R3HCC1: variants seen among roughly 807,000 people sequenced by gnomAD.
R3HCC1 encodes R3H domain and coiled-coil containing 1, also known as R3H and coiled-coil domain-containing protein 1.
Under a neutral mutation model 40.0 loss-of-function variants are expected in R3HCC1, and 32 were observed. The ratio of observed to expected loss-of-function variants is 0.80; its 90% confidence interval spans 0.60 to 1.07. The LOEUF is 1.07. Ranked by LOEUF, R3HCC1 falls within the 50% of genes least tolerant of loss-of-function variation. The probability of loss-of-function intolerance (pLI) is 0.00; values close to 1 mark genes in which losing one functional copy is unlikely to be tolerated. For missense variants in R3HCC1, 586 were observed against 563.3 expected, an observed-to-expected ratio of 1.04 and a Z score of -0.41; for synonymous variants, 237 against 232.8, an observed-to-expected ratio of 1.02 and a Z score of -0.17.
In R3HCC1 at chr8:23,291,426, C is replaced by T. The variant is rs754016833; in HGVS notation, c.918C>T (p.Phe306=). 5 of 1,551,670 alleles carry T rather than the reference C, an allele frequency of 3.2e-6. No homozygotes were observed. The highest frequency in any genetic ancestry group is 1.2e-5 in the South Asian group (1 of 84,062). The change falls in exon 5 of 8, where the codon TTC becomes TTT. Residue 306 remains phenylalanine, a synonymous_variant. Transcript: ENST00000265806. ...AGATCCATTTGGACACATCCTCCTT[C>T]GTGGAGGAGCTGCCTGGAGAGAAGG...
chr8:23,291,607 TG>T, intron 5 of R3HCC1, 74 bp downstream of exon 5: 1 of 1,526,536 alleles, frequency 6.6e-7, no homozygotes, highest in East Asian at 2.5e-5. Context: ...GGTGCTTGCC[TG>T]CCCCACACCC....
rs764210264 is a variant in R3HCC1, at chr8:23,291,423, C to T, written c.915C>T (p.Ser305=). 1.9e-6 allele frequency: 3 copies of T among 1,551,762 alleles called. No homozygotes were observed. The highest frequency in any genetic ancestry group is 2.6e-6 in the Non-Finnish European group (3 of 1,146,966). The change falls in exon 5 of 8, where the codon TCC becomes TCT. Residue 305 remains serine, a synonymous_variant. Coordinates refer to ENST00000265806, the MANE Select transcript of R3HCC1 (RefSeq NM_001136108.3). ...AGAAGATCCATTTGGACACATCCTC[C>T]TTCGTGGAGGAGCTGCCTGGAGAGA...
At chr8:23,292,839 C>A (rs762174893) in intron 5 of R3HCC1, among the ~76,000 whole-genome samples, 1 of 152,194 alleles carries the variant, frequency 6.6e-6, no homozygotes, top group Non-Finnish European at 1.5e-5. Context: ...AGGCCTCTCA[C>A]AAGCTGCAGG....
chr8:23,291,310 G>C, intron 4 of R3HCC1, 51 bp from the exon 5 acceptor site: 1 of 1,527,968 alleles, frequency 6.5e-7, no homozygotes, highest in Non-Finnish European at 8.8e-7. Flanking sequence ...CTAGTGGTTT[G>C]GGAGCTCTGC....
chr8:23,293,211 G>C, intron 5 of R3HCC1, 92 bp from the exon 6 acceptor site: 3 of 1,013,446 alleles, frequency 3.0e-6, no homozygotes, highest in South Asian at 1.4e-5. Flanking sequence ...TGGCATCTGC[G>C]GGCTGGAGGC....
chr8:23,291,416 C>G lies in R3HCC1; in HGVS notation c.908C>G (p.Thr303Arg), dbSNP rs150576364. The change falls in exon 5 of 8, where the codon ACA (threonine) becomes AGA (arginine). Residue 303 changes from threonine (T) to arginine (R), a missense_variant. By Grantham distance (71) the Thr-to-Arg change is moderately conservative. Transcript: ENST00000265806. ...CAGATAGAGAAGATCCATTTGGACACATCCTCCTTCGTGGAGGAGCTGCCT... is the reference window on the plus strand; with the variant it reads ...CAGATAGAGAAGATCCATTTGGACAGATCCTCCTTCGTGGAGGAGCTGCCT... 4 of 1,551,348 alleles carry G rather than the reference C, an allele frequency of 2.6e-6. No individual in the cohort carries two copies. The Admixed American group carries it at 5.9e-5, about 23-fold the overall frequency.
intron 7 of R3HCC1, 99 bp downstream of exon 7, chr8:23,294,963 G>T: frequency 3.3e-6 from 3 of 904,254 alleles, no homozygotes; most frequent in South Asian, 1.4e-5. Flanking sequence ...TTTGGGCAGG[G>T]TCTTCCCCTC....
Position 23,290,487 on chromosome 8 carries a change from C to G in R3HCC1, c.852+18C>G. 1.3e-6 allele frequency: 2 copies of G among 1,537,670 alleles called. No homozygotes were observed. On this transcript the variant is annotated intron_variant, in intron 4 of 7. Transcript: ENST00000265806. ...TGCAGGAGGTGATGAGGCTCTTGAG[C>G]CCGAAAAGGGAGGGCGGAGGTGAGG... is the stretch of plus-strand genomic sequence containing the variant.
Position 23,296,012 on chromosome 8 carries a change from T to G in R3HCC1, c.1238T>G (p.Val413Gly). Reference sequence around the variant, plus strand: ...GAGAGGCCACAGACAAATGCGACTGTGGCCCGGCGGCTGGTGGCCCGGGCC... The same window carrying G: ...GAGAGGCCACAGACAAATGCGACTGGGGCCCGGCGGCTGGTGGCCCGGGCC... The change falls in exon 8 of 8, where the codon GTG (valine) becomes GGG (glycine). Residue 413 changes from valine (V) to glycine (G), a missense_variant. Transcript: ENST00000265806. 1 of 1,550,916 alleles carries G rather than the reference T, an allele frequency of 6.4e-7. No individual in the cohort carries two copies.
At chr8:23,291,836 A>C (rs565622498) in intron 5 of R3HCC1, among the ~76,000 whole-genome samples, 1 of 152,202 alleles carries the variant, frequency 6.6e-6, no homozygotes, top group Non-Finnish European at 1.5e-5. Flanking sequence ...GGGACATGGC[A>C]GCCTCCTCTT....
At chr8:23,295,198 G>A (rs10096613) in intron 7 of R3HCC1, among the ~76,000 whole-genome samples, 5,079 of 152,170 alleles carry the variant, frequency 0.033, 295 homozygotes, top group African/African-American at 0.11. Flanking sequence ...CCTGGAAACC[G>A]TATCCCATAG....
At position 23,296,122 on chromosome 8, in the gene R3HCC1, A is replaced by T. The variant is rs891584669; in HGVS notation, c.*25A>T. 3 of 1,541,044 alleles carry T rather than the reference A, an allele frequency of 1.9e-6. No homozygotes were observed. The highest frequency in any genetic ancestry group is 4.1e-5 in the Admixed American group (2 of 49,372). ...AGGCCTGGAGACCCAACTGGCCTGG[A>T]TCTGCGTCCCGACGTAGCTGGCGCC... On this transcript the variant is annotated 3_prime_UTR_variant, in exon 8 of 8. Transcript: ENST00000265806.
chr8:23,295,576 C>T (rs1333916428), intron 7 of R3HCC1: 1 of 462,624 alleles, frequency 2.2e-6, no homozygotes, highest in Non-Finnish European at 4.3e-6. Flanking sequence ...GGTTACGTAG[C>T]CAACATGGTC....
At chr8:23,295,010 G>A (rs1802967829) in intron 7 of R3HCC1, 146 bp downstream of exon 7, 3 of 679,520 alleles carry the variant, frequency 4.4e-6, no homozygotes, top group African/African-American at 1.8e-5. Context: ...TGCTCTTAGG[G>A]AGCCCTGGGC....
At chr8:23,293,475 A>G (rs1802917066) in intron 6 of R3HCC1, 102 bp downstream of exon 6, 5 of 917,586 alleles carry the variant, frequency 5.4e-6, no homozygotes, top group Non-Finnish European at 8.4e-6. Flanking sequence ...GCGCAGGCTC[A>G]GCTGAGCCAG....
intron 1 of R3HCC1, 81 bp from the exon 2 acceptor site, chr8:23,288,425 C>T: frequency 6.6e-7 from 1 of 1,512,140 alleles, no homozygotes; most frequent in Non-Finnish European, 8.9e-7. Flanking sequence ...TTCTAAGGCC[C>T]TTTCGGTGCC....
chr8:23,290,280 G>A lies in R3HCC1; in HGVS notation c.663G>A (p.Gln221=). 1 of 1,551,772 alleles carries A rather than the reference G, an allele frequency of 6.4e-7. No individual in the cohort carries two copies. Among genetic ancestry groups the A allele is most frequent in the South Asian group, 1.2e-5 (1 of 84,068 alleles). Reference sequence around the variant, plus strand: ...CTGAGCCTCTGGGGCCTGAGAGTCAGTCAGGGAAGGGAGACATGGTGGAGA... The same window carrying A: ...CTGAGCCTCTGGGGCCTGAGAGTCAATCAGGGAAGGGAGACATGGTGGAGA... The change falls in exon 4 of 8, where the codon CAG becomes CAA. Residue 221 remains glutamine, a synonymous_variant. Transcript: ENST00000265806.
Position 23,294,823 on chromosome 8 carries a change from A to G in R3HCC1, c.1151A>G (p.Gln384Arg), listed in dbSNP as rs1245892046. 2 of 1,551,382 alleles carry G rather than the reference A, an allele frequency of 1.3e-6. No individual in the cohort carries two copies. Among genetic ancestry groups the G allele is most frequent in the Admixed American group, 2.0e-5 (1 of 50,996 alleles). ...GTGCTCAAGATCCGGCCCCTCACAC[A>G]GGGAACCAAGCAGTCAAAGCTCAAA... The change falls in exon 7 of 8, where the codon CAG (glutamine) becomes CGG (arginine). Residue 384 changes from glutamine (Q) to arginine (R), a missense_variant. Coordinates refer to ENST00000265806, the MANE Select transcript of R3HCC1 (RefSeq NM_001136108.3).
intron 3 of R3HCC1, among the ~76,000 whole-genome samples, chr8:23,289,600 G>T (rs1802815718): frequency 6.6e-6 from 1 of 152,188 alleles, no homozygotes; most frequent in Non-Finnish European, 1.5e-5. Context: ...AAATGCAAGA[G>T]CTTACCTCCC....
Sources: gnomAD v4.1 joint callset for allele counts (sites outside exome capture counted in the v4.1 genomes callset) on GRCh38, gnomAD v4.1.1 for gene constraint, MANE v1.5 for transcripts, NCBI Gene and HGNC (gene_info 2026-07-23, HGNC 2026-07-21) for gene names.